The following KCNQ5 variants were observed in gnomAD, a reference collection of about 807,000 sequenced individuals.
KCNQ5 encodes potassium voltage-gated channel subfamily Q member 5.
Under a neutral mutation model 98.2 loss-of-function variants are expected in KCNQ5, and 30 were observed. The ratio of observed to expected loss-of-function variants is 0.31; its 90% CI spans 0.23 to 0.41. The LOEUF (loss-of-function observed/expected upper bound fraction) is 0.41, where lower values mean the gene tolerates loss of function less well. Ranked by LOEUF, KCNQ5 falls within the 10% of genes least tolerant of loss-of-function variation. The pLI is 1.00. For synonymous variants in KCNQ5, 458 were observed against 449.4 expected (o/e 1.02, Z -0.24); for missense variants, 835 against 1,182.5 (o/e 0.71, Z 4.31).
chr6:72,939,038 A>G (rs1766098574), intron 1 of KCNQ5, among the ~76,000 whole-genome samples: 1 of 152,206 alleles, frequency 6.6e-6, no homozygotes, highest in Non-Finnish European at 1.5e-5. Context: ...CACACTTGTC[A>G]TATATGAGAC....
chr6:72,973,360 C>T (rs1285196248), intron 1 of KCNQ5, among the ~76,000 whole-genome samples: 1 of 151,894 alleles, frequency 6.6e-6, no homozygotes, highest in African/African-American at 2.4e-5. Flanking sequence ...TATGGGTCAA[C>T]AATACTTTTT....
chr6:72,757,673 C>T (rs1471675433), intron 1 of KCNQ5, among the ~76,000 whole-genome samples: 1 of 152,050 alleles, frequency 6.6e-6, no homozygotes, highest in Non-Finnish European at 1.5e-5. Flanking sequence ...TTCATGGTGT[C>T]ATAAAGTCAA....
At chr6:72,891,952 A>T (rs1429216200) in intron 1 of KCNQ5, among the ~76,000 whole-genome samples, 1 of 152,182 alleles carries the variant, frequency 6.6e-6, no homozygotes, top group Admixed American at 6.5e-5. Context: ...CAACACTGTG[A>T]ATACTACACT....
At chr6:72,674,057 G>T (rs1767277148) in intron 1 of KCNQ5, among the ~76,000 whole-genome samples, 1 of 152,044 alleles carries the variant, frequency 6.6e-6, no homozygotes. Context: ...ATAAAAAATT[G>T]TCTTATAAGC....
At chr6:72,716,002 T>C (rs2154475182) in intron 1 of KCNQ5, among the ~76,000 whole-genome samples, 1 of 152,328 alleles carries the variant, frequency 6.6e-6, no homozygotes, top group African/African-American at 2.4e-5. Context: ...GATAATATTA[T>C]AGAGTTCCTC....
At chr6:72,954,407 A>G (rs1421772014) in intron 1 of KCNQ5, among the ~76,000 whole-genome samples, 1 of 152,196 alleles carries the variant, frequency 6.6e-6, no homozygotes, top group Non-Finnish European at 1.5e-5. Flanking sequence ...AAGCAGTTTG[A>G]GATAACTAAG....
intron 13 of KCNQ5, among the ~76,000 whole-genome samples, chr6:73,194,171 G>C (rs1393980347): frequency 6.6e-6 from 1 of 152,076 alleles, no homozygotes; most frequent in East Asian, 1.9e-4. Flanking sequence ...TTTTTATAGT[G>C]CTTATATGAC....
intron 1 of KCNQ5, among the ~76,000 whole-genome samples, chr6:72,988,172 G>C (rs1050303809): frequency 6.6e-6 from 1 of 152,162 alleles, no homozygotes; most frequent in African/African-American, 2.4e-5. Flanking sequence ...TTTAGCAGGT[G>C]CTAGGCACAT....
intron 1 of KCNQ5, among the ~76,000 whole-genome samples, chr6:72,853,247 A>G (rs1212473268): frequency 6.6e-6 from 1 of 152,182 alleles, no homozygotes; most frequent in African/African-American, 2.4e-5. Flanking sequence ...TTTCTCTTAA[A>G]TTCTGTAAAA....
intron 1 of KCNQ5, among the ~76,000 whole-genome samples, chr6:72,810,473 C>G (rs897652303): frequency 1.3e-5 from 2 of 152,200 alleles, no homozygotes; most frequent in African/African-American, 4.8e-5. Context: ...TTTCTGCTAT[C>G]TGACCAGAGT....
chr6:72,809,890 A>G (rs527265022), intron 1 of KCNQ5, among the ~76,000 whole-genome samples: 2 of 152,156 alleles, frequency 1.3e-5, no homozygotes, highest in African/African-American at 4.8e-5. Context: ...AATGGATCCA[A>G]TGAACACAAA....
intron 1 of KCNQ5, among the ~76,000 whole-genome samples, chr6:72,669,674 A>G (rs567039871): frequency 6.6e-6 from 1 of 152,200 alleles, no homozygotes; most frequent in East Asian, 1.9e-4. Context: ...AAAGAGCTCT[A>G]TGGTCTGGTC....
intron 1 of KCNQ5, among the ~76,000 whole-genome samples, chr6:72,810,788 A>T (rs776672525): frequency 6.2e-4 from 95 of 152,178 alleles, no homozygotes; most frequent in Non-Finnish European, 1.1e-3. Flanking sequence ...TCAGAAAAAA[A>T]ACTCTGAAAC....
chr6:72,851,534 G>A (rs1562024191), intron 1 of KCNQ5, among the ~76,000 whole-genome samples: 1 of 151,964 alleles, frequency 6.6e-6, no homozygotes, highest in Non-Finnish European at 1.5e-5. Flanking sequence ...AACTATTATT[G>A]TCATGGCTTG....
chr6:72,647,289 A>G (rs575414166), intron 1 of KCNQ5, among the ~76,000 whole-genome samples: 1 of 152,286 alleles, frequency 6.6e-6, no homozygotes, highest in African/African-American at 2.4e-5. Flanking sequence ...TGAGTCAATC[A>G]TCAGTAGAGT....
chr6:73,110,994 C>CA (rs550928864), intron 6 of KCNQ5, among the ~76,000 whole-genome samples: 1,881 of 152,234 alleles, frequency 0.012, 43 homozygotes, highest in African/African-American at 0.042. Context: ...CACACACACA[C>CA]AAAAAAATTT....
At chr6:72,780,991 A>G (rs1251876175) in intron 1 of KCNQ5, among the ~76,000 whole-genome samples, 2 of 152,310 alleles carry the variant, frequency 1.3e-5, no homozygotes, top group East Asian at 3.9e-4. Flanking sequence ...ATATCTAAAC[A>G]TAAATCTTCT....
chr6:72,963,908 C>G (rs118002975), intron 1 of KCNQ5, among the ~76,000 whole-genome samples: 4,955 of 152,238 alleles, frequency 0.033, 126 homozygotes, highest in Middle Eastern at 0.068. Context: ...CCTGCCTTGG[C>G]CTCCCAAAAT....
At chr6:72,893,490 A>G (rs1465703153) in intron 1 of KCNQ5, among the ~76,000 whole-genome samples, 1 of 152,142 alleles carries the variant, frequency 6.6e-6, no homozygotes, top group Non-Finnish European at 1.5e-5. Flanking sequence ...TTTGACACAC[A>G]TCTTCCCCAG....
Sources: allele counts gnomAD v4.1 joint callset (sites outside exome capture counted in the v4.1 genomes callset), GRCh38; gene constraint gnomAD v4.1.1; transcripts MANE v1.5; gene names NCBI Gene and HGNC (gene_info 2026-07-23, HGNC 2026-07-21).